The following ITPK1 variants were observed in gnomAD, a reference collection of about 807,000 sequenced individuals.
ITPK1 encodes the protein inositol 1,3,4-trisphosphate 5/6-kinase.
In ITPK1, 21 loss-of-function variants were observed where a neutral mutation model predicts 45.3. The ratio of observed to expected loss-of-function variants is 0.46; its 90% CI spans 0.33 to 0.67. The LOEUF (loss-of-function observed/expected upper bound fraction) is 0.67, where lower values mean the gene tolerates loss of function less well. Among genes scored for constraint, ITPK1 ranks in the 30% least tolerant of loss-of-function variants. The probability of loss-of-function intolerance (pLI) is 0.02; values close to 1 mark genes in which losing one functional copy is unlikely to be tolerated. For missense variants in ITPK1, 474 were observed against 573.5 expected, an observed-to-expected ratio of 0.83 and a Z score of 1.77; for synonymous variants, 258 against 253.6, an observed-to-expected ratio of 1.02 and a Z score of -0.16.
At chr14:93,043,379 C>T (rs565736360) in intron 3 of ITPK1, among the ~76,000 whole-genome samples, 2 of 152,236 alleles carry the variant, frequency 1.3e-5, no homozygotes, top group Admixed American at 6.5e-5. Flanking sequence ...GAAGACAGCA[C>T]AGTAGAGACT....
intron 4 of ITPK1, among the ~76,000 whole-genome samples, chr14:93,008,943 A>C (rs1396978092): frequency 6.6e-6 from 1 of 152,204 alleles, no homozygotes; most frequent in Admixed American, 6.5e-5. Flanking sequence ...CAAAAATCAG[A>C]AACAACTTGA....
In ITPK1 at chr14:92,938,263, T is replaced by C; in HGVS notation, c.*3298A>G. 1 of 593,548 alleles carries C rather than the reference T, an allele frequency of 1.7e-6. No individual in the cohort carries two copies. The highest frequency in any genetic ancestry group is 3.0e-6 in the Non-Finnish European group (1 of 334,358). The allele number at this position is 593,548 out of a possible 1,614,324, so 36.8% of individuals were successfully genotyped here. On this transcript the variant is annotated 3_prime_UTR_variant, in exon 11 of 11. Coordinates refer to ENST00000267615, the MANE Select transcript of ITPK1 (RefSeq NM_014216.6). The stretch of plus-strand genomic sequence containing the variant: ...GTGAGCCGCCATGCCCGGCCAGAGT[T>C]TCTAGGGAATAGAAGAGAGGGCAGA...
intron 5 of ITPK1, among the ~76,000 whole-genome samples, chr14:92,969,689 A>C (rs2139758570): frequency 6.6e-6 from 1 of 152,044 alleles, no homozygotes; most frequent in African/African-American, 2.4e-5. Context: ...CAGAATAGAG[A>C]CAGAATGAAG....
intron 3 of ITPK1, among the ~76,000 whole-genome samples, chr14:93,025,153 C>G (rs1345796097): frequency 6.6e-6 from 1 of 152,094 alleles, no homozygotes; most frequent in East Asian, 1.9e-4. Context: ...GAATCAGGGT[C>G]TTTCCATCCT....
intron 5 of ITPK1, among the ~76,000 whole-genome samples, chr14:92,969,904 C>T (rs1885564264): frequency 6.6e-6 from 1 of 152,062 alleles, no homozygotes; most frequent in Non-Finnish European, 1.5e-5. Flanking sequence ...TCTGCCTTTC[C>T]AAATCAGACA....
chr14:93,005,313 G>A (rs1483363782), intron 4 of ITPK1, among the ~76,000 whole-genome samples: 1 of 152,176 alleles, frequency 6.6e-6, no homozygotes, highest in East Asian at 1.9e-4. Flanking sequence ...CTGCCTCTAG[G>A]TCTATCAGCT....
chr14:93,098,802 C>G (rs10132511), intron 2 of ITPK1, among the ~76,000 whole-genome samples: 6,319 of 152,274 alleles, frequency 0.041, 443 homozygotes, highest in African/African-American at 0.14. Flanking sequence ...CTTCCCTTCC[C>G]GAGCTTCCCT....
In ITPK1 at chr14:92,967,984, C is replaced by T. The variant is rs148565602; in HGVS notation, c.365-5135G>A. Among the ~76,000 whole-genome samples the T allele has an allele frequency of 2.9e-4, 44 of 152,206 alleles. No individual in the cohort carries two copies. In the East Asian group the frequency reaches 6.9e-3, roughly 24 times the overall value. ...ATGTTCTAGAATTAGTAGTGATGAC[C>T]GCACAATTTTGTGAATATAATCAAA... is the stretch of plus-strand genomic sequence containing the variant. On this transcript the variant is annotated intron_variant, in intron 5 of 10. Coordinates refer to ENST00000267615, the MANE Select transcript of ITPK1 (RefSeq NM_014216.6).
At position 92,959,459 on chromosome 14, in the gene ITPK1, G is replaced by T. The variant is rs148332726; in HGVS notation, c.505-1093C>A. On this transcript the variant is annotated intron_variant, in intron 7 of 10. Transcript: ENST00000267615. ...CAGACGTGGAAATCCAGGCCACATG[G>T]GAAAAACAAAAAGTGTGTGTCTGTG... Among the ~76,000 whole-genome samples the T allele has an allele frequency of 1.8e-4, 27 of 152,300 alleles. No homozygotes were observed. The East Asian group carries it at 4.4e-3, about 25-fold the overall frequency.
At chr14:93,037,220 T>G (rs1257418815) in intron 3 of ITPK1, among the ~76,000 whole-genome samples, 2 of 152,208 alleles carry the variant, frequency 1.3e-5, no homozygotes, top group African/African-American at 4.8e-5. Context: ...CCATGCCCCT[T>G]GCATGGTCAA....
At chr14:92,969,403 C>T (rs1156785968) in intron 5 of ITPK1, among the ~76,000 whole-genome samples, 8 of 152,040 alleles carry the variant, frequency 5.3e-5, no homozygotes, top group African/African-American at 1.5e-4. Flanking sequence ...GGTGGGGAGG[C>T]GCCAACGAGG....
intron 4 of ITPK1, among the ~76,000 whole-genome samples, chr14:93,004,035 G>A (rs2139829376): frequency 6.6e-6 from 1 of 152,362 alleles, no homozygotes; most frequent in Middle Eastern, 3.4e-3. Context: ...TTAGGCCCCT[G>A]AACGGAGCCA....
intron 7 of ITPK1, among the ~76,000 whole-genome samples, chr14:92,959,126 G>A (rs912118554): frequency 4.6e-5 from 7 of 151,906 alleles, no homozygotes; most frequent in Non-Finnish European, 1.0e-4. Flanking sequence ...GGATCTGGTA[G>A]GGGCTGGGGT....
intron 10 of ITPK1, among the ~76,000 whole-genome samples, chr14:92,943,858 C>CT (rs1424281667): frequency 6.6e-6 from 1 of 152,214 alleles, no homozygotes; most frequent in Non-Finnish European, 1.5e-5. Context: ...CGTTAGGTGG[C>CT]TTGTGCCATC....
In ITPK1 at chr14:92,941,703, T is replaced by C. The variant is rs1384390871; in HGVS notation, c.1103A>G (p.Gln368Arg). The C allele has an allele frequency of 1.9e-6, 3 of 1,567,632 alleles. No individual in the cohort carries two copies. Among genetic ancestry groups the C allele is most frequent in the Non-Finnish European group, 2.6e-6 (3 of 1,159,110 alleles). ...SPGCCGSMMG[Q>R]DAPWKAEADA... ...GGCCTCAGCCTTCCAGGGCGCGTCCTGGCCCATCATGCTGCCGCAGCAGCC... is the reference window on the plus strand; with the variant it reads ...GGCCTCAGCCTTCCAGGGCGCGTCCCGGCCCATCATGCTGCCGCAGCAGCC... The change falls in exon 11 of 11, where the codon CAG becomes CGG. Residue 368 changes from glutamine to arginine, a missense_variant. Transcript: ENST00000267615.
At chr14:92,943,092 G>A (rs760105350) in intron 10 of ITPK1, among the ~76,000 whole-genome samples, 1 of 152,272 alleles carries the variant, frequency 6.6e-6, no homozygotes, top group Non-Finnish European at 1.5e-5. Flanking sequence ...TGCCCGCGGT[G>A]GAAATAAAGA....
At chr14:92,991,030 CA>C (rs113768550) in intron 5 of ITPK1, among the ~76,000 whole-genome samples, 9,255 of 152,070 alleles carry the variant, frequency 0.061, 596 homozygotes, top group African/African-American at 0.15. Flanking sequence ...ACAACCGGGG[CA>C]GGGGGGGTGA....
At chr14:93,078,465 C>T (rs978023974) in intron 2 of ITPK1, among the ~76,000 whole-genome samples, 1 of 152,152 alleles carries the variant, frequency 6.6e-6, no homozygotes, top group African/African-American at 2.4e-5. Context: ...CTCAAACCCC[C>T]GACACCTCAA....
chr14:93,102,797 A>G (rs141713488), intron 2 of ITPK1, among the ~76,000 whole-genome samples: 1 of 152,244 alleles, frequency 6.6e-6, no homozygotes, highest in African/African-American at 2.4e-5. Flanking sequence ...CTCTACAACA[A>G]CGGCAAAAAA....
Sources: gnomAD v4.1 joint callset for allele counts (sites outside exome capture counted in the v4.1 genomes callset) on GRCh38, gnomAD v4.1.1 for gene constraint, MANE v1.5 for transcripts, NCBI Gene and HGNC (gene_info 2026-07-23, HGNC 2026-07-21) for gene names.